ATPAF2: variants seen among roughly 807,000 people sequenced by gnomAD.
ATPAF2 encodes the protein ATP synthase mitochondrial F1 complex assembly factor 2.
ATPAF2 carries 30 observed loss-of-function variants against 36.6 expected under a neutral mutation model. The ratio of observed to expected loss-of-function variants is 0.82; its 90% confidence interval spans 0.61 to 1.11. The LOEUF is 1.11. Among genes scored for constraint, ATPAF2 ranks in the 50% most tolerant of loss-of-function variants. The pLI is 0.00. For synonymous variants in ATPAF2, 140 were observed against 152.6 expected (o/e 0.92, Z 0.61); for missense variants, 321 against 372.3 (o/e 0.86, Z 1.13).
At chr17:18,033,071 C>T (rs975043188) in intron 1 of ATPAF2, among the ~76,000 whole-genome samples, 3 of 151,988 alleles carry the variant, frequency 2.0e-5, no homozygotes, top group African/African-American at 7.3e-5. Context: ...CACAGGCATA[C>T]AGGAACTTGA....
chr17:18,026,002 G>A (rs2044539483), intron 4 of ATPAF2: 1 of 467,208 alleles, frequency 2.1e-6, no homozygotes, highest in Admixed American at 3.4e-5. Flanking sequence ...TCGGTGGGCA[G>A]AAGTTTAAGG....
chr17:18,038,923 G>T lies in ATPAF2; in HGVS notation c.91C>A (p.Pro31Thr), dbSNP rs768166812. The change falls in exon 1 of 8, where the codon CCA becomes ACA. Residue 31 changes from proline (P) to threonine (T), a missense_variant. Physicochemically the swap from Pro to Thr is conservative, Grantham distance 38. Coordinates refer to ENST00000474627, the MANE Select transcript of ATPAF2 (RefSeq NM_145691.4). ...GCCCGGGCTGGAGACGGGATGGTTGGCCCCGGACTCATAGAAGCGCTGGGG... is the reference window on the plus strand; with the variant it reads ...GCCCGGGCTGGAGACGGGATGGTTGTCCCCGGACTCATAGAAGCGCTGGGG... Reference protein sequence around the residue: ...GGPSASMSPGPTIPSPARAYA... With the variant: ...GGPSASMSPGTTIPSPARAYA... The T allele has an allele frequency of 6.2e-7, 1 of 1,613,840 alleles. No homozygotes were observed. The highest frequency in any genetic ancestry group is 2.2e-5 in the East Asian group (1 of 44,866).
chr17:18,019,640 G>A (rs934428538), intron 7 of ATPAF2, among the ~76,000 whole-genome samples: 1 of 145,766 alleles, frequency 6.9e-6, no homozygotes, highest in Non-Finnish European at 1.5e-5. Flanking sequence ...TCCAGACAGT[G>A]TAAGTCCAAC....
chr17:18,022,159 T>G (rs1035782419), intron 5 of ATPAF2, among the ~76,000 whole-genome samples: 5 of 152,250 alleles, frequency 3.3e-5, no homozygotes, highest in African/African-American at 1.2e-4. Context: ...ACCTGGAATC[T>G]CCATCAAAAG....
downstream of ATPAF2, chr17:18,016,154 GT>G (rs868267139): frequency 6.2e-7 from 1 of 1,613,876 alleles, no homozygotes; most frequent in Admixed American, 1.7e-5. Context: ...AGATGAGCTG[GT>G]GACCAGAATC....
chr17:18,026,134 C>A, intron 4 of ATPAF2, 185 bp downstream of exon 4: 1 of 674,802 alleles, frequency 1.5e-6, no homozygotes. Context: ...TGTTCTGACA[C>A]CATTGTAGCC....
intron 3 of ATPAF2, chr17:18,026,782 G>A (rs2044552404): frequency 2.8e-6 from 1 of 351,598 alleles, no homozygotes; most frequent in African/African-American, 2.1e-5. Flanking sequence ...TGAAAACTGA[G>A]GCCCAGACAG....
At chr17:18,016,296 A>AAT, downstream of ATPAF2, 1 of 1,269,464 alleles carries the variant, frequency 7.9e-7, no homozygotes, top group Non-Finnish European at 1.1e-6. Context: ...AAGGAATGAA[A>AAT]TGAAGGAAGA....
At chr17:18,038,792 C>T in intron 1 of ATPAF2, 89 bp downstream of exon 1, 3 of 1,574,312 alleles carry the variant, frequency 1.9e-6, no homozygotes, top group African/African-American at 1.3e-5. Context: ...CTGAACCCTG[C>T]CTCAGTTACT....
At chr17:18,023,110 C>T (rs1033602096) in intron 5 of ATPAF2, among the ~76,000 whole-genome samples, 51 of 136,030 alleles carry the variant, frequency 3.7e-4, no homozygotes, top group African/African-American at 1.4e-3. Flanking sequence ...GCCTGGGTGA[C>T]AGAGCGAGAC....
intron 1 of ATPAF2, among the ~76,000 whole-genome samples, chr17:18,035,558 A>T (rs891532763): frequency 2.0e-5 from 3 of 150,638 alleles, no homozygotes; most frequent in African/African-American, 7.4e-5. Context: ...TAAAGCTGTT[A>T]AAAAAATCCT....
At chr17:18,023,979 A>T (rs1208883391) in intron 5 of ATPAF2, among the ~76,000 whole-genome samples, 1 of 152,220 alleles carries the variant, frequency 6.6e-6, no homozygotes, top group Admixed American at 6.5e-5. Context: ...GAAGCTACAT[A>T]TCCATTGGAT....
At chr17:18,037,359 G>A (rs2145528558) in intron 1 of ATPAF2, among the ~76,000 whole-genome samples, 1 of 152,290 alleles carries the variant, frequency 6.6e-6, no homozygotes, top group East Asian at 1.9e-4. Flanking sequence ...GGAGGCCGAG[G>A]TGGGCGGGTC....
At chr17:18,019,173 A>ACACACG (rs1437481434) in intron 7 of ATPAF2, among the ~76,000 whole-genome samples, 1 of 151,220 alleles carries the variant, frequency 6.6e-6, no homozygotes, top group East Asian at 1.9e-4. Flanking sequence ...ACACACACAC[A>ACACACG]CACACACACA....
chr17:18,028,570 C>CAAAAAAAAA lies in ATPAF2; in HGVS notation c.178+36_178+44dup. 1.6e-5 allele frequency: 21 copies of CAAAAAAAAA among 1,350,094 alleles called. 1 individual carries two copies. Among genetic ancestry groups the CAAAAAAAAA allele is most frequent in the Middle Eastern group, 2.3e-4 (1 of 4,444 alleles). 83.6% of individuals were successfully genotyped at this position (1,350,094 alleles called of 1,614,324 possible). ...GATGAAAAATGTTCCCAACCATTCA[C>CAAAAAAAAA]AAAAAAAAAAAAAAAAAGAGGCAGT... On this transcript the variant is annotated intron_variant, in intron 2 of 7. Transcript: ENST00000474627.
At chr17:18,017,263 G>T (rs1291680172), downstream of ATPAF2, among the ~76,000 whole-genome samples, 1 of 129,656 alleles carries the variant, frequency 7.7e-6, no homozygotes, top group Non-Finnish European at 1.7e-5. Context: ...TCCCAGGCCA[G>T]CTGACAGAGC....
Position 18,026,523 on chromosome 17 carries a change from C to T in ATPAF2, c.325-107G>A, listed in dbSNP as rs892264651. ...ACACATAGCAGACAGCACCACAGCACAGCCCTCCACCAGAGGCGTCTGCAT... is the reference window on the plus strand; with the variant it reads ...ACACATAGCAGACAGCACCACAGCATAGCCCTCCACCAGAGGCGTCTGCAT... On this transcript the variant is annotated intron_variant, in intron 3 of 7. Coordinates refer to ENST00000474627, the MANE Select transcript of ATPAF2 (RefSeq NM_145691.4). 8.2e-6 allele frequency: 7 copies of T among 851,162 alleles called. No individual in the cohort carries two copies. The African/African-American group carries it at 1.2e-4, about 14-fold the overall frequency. The allele number at this position is 851,162 out of a possible 1,614,324, so 52.7% of individuals were successfully genotyped here. A position where few individuals can be genotyped will look rare whatever the true frequency, so the allele number is the denominator to read the frequency against.
chr17:18,016,439 A>G (rs1396214916), downstream of ATPAF2: 2 of 826,040 alleles, frequency 2.4e-6, no homozygotes, highest in Non-Finnish European at 3.8e-6. Flanking sequence ...GGAGGCGCTG[A>G]AGCAAATGAG....
At chr17:18,028,147 G>A (rs2145502886) in intron 3 of ATPAF2, 85 bp downstream of exon 3, 4 of 1,554,030 alleles carry the variant, frequency 2.6e-6, no homozygotes, top group South Asian at 1.1e-5. Context: ...CAGCCCCCAG[G>A]GCCTTGTCGG....
Sources: gnomAD v4.1 joint callset for allele counts (sites outside exome capture counted in the v4.1 genomes callset) on GRCh38, gnomAD v4.1.1 for gene constraint, MANE v1.5 for transcripts, NCBI Gene and HGNC (gene_info 2026-07-23, HGNC 2026-07-21) for gene names.